SNX5: variants seen among roughly 807,000 people sequenced by gnomAD.
SNX5 encodes the protein sorting nexin-5.
In SNX5, 31 loss-of-function variants were observed where a neutral mutation model predicts 53.9. The observed-to-expected ratio is 0.58, with a 90% confidence interval of 0.43 to 0.78. SNX5 has a LOEUF of 0.78. SNX5 is among the 30% of genes least tolerant of loss of function. The pLI, the probability that SNX5 is intolerant of heterozygous loss-of-function variation, is 0.00. For synonymous variants in SNX5, 168 were observed against 171.1 expected, an observed-to-expected ratio of 0.98 and a Z score of 0.14; for missense variants, 471 against 478.8, an observed-to-expected ratio of 0.98 and a Z score of 0.15.
intron 1 of SNX5, chr20:17,961,065 T>A (rs1050732413): frequency 2.8e-5 from 25 of 890,552 alleles, no homozygotes; most frequent in Non-Finnish European, 3.4e-5. Flanking sequence ...AAAATCGCAG[T>A]GCTTTTGGTA....
chr20:17,964,727 T>C (rs1190498741), intron 1 of SNX5, among the ~76,000 whole-genome samples: 2 of 152,218 alleles, frequency 1.3e-5, no homozygotes, highest in Non-Finnish European at 2.9e-5. Flanking sequence ...ATTTAAGACA[T>C]TCAGGGTACT....
At chr20:17,947,948 G>T (rs571592436) in intron 10 of SNX5, among the ~76,000 whole-genome samples, 1 of 152,302 alleles carries the variant, frequency 6.6e-6, no homozygotes, top group African/African-American at 2.4e-5. Context: ...TTGTGTATCA[G>T]AGATAACTTG....
chr20:17,965,496 C>G (rs1014947727), intron 1 of SNX5, among the ~76,000 whole-genome samples: 2 of 151,986 alleles, frequency 1.3e-5, no homozygotes, highest in African/African-American at 4.8e-5. Flanking sequence ...TGGTGAAACC[C>G]CATCTCTACC....
chr20:17,961,122 C>A lies in SNX5; in HGVS notation c.52-4085G>T. The A allele has an allele frequency of 4.1e-6, 4 of 985,336 alleles. No individual in the cohort carries two copies. The Middle Eastern group carries it at 1.6e-3, about 386-fold the overall frequency. 61.0% of individuals were successfully genotyped at this position (985,336 alleles called of 1,614,324 possible). ...AAAAGGAGAAAAGTAGTTACGGAAT[C>A]CCTGTGCATTTCCTCACCTATTCAT... On this transcript the variant is annotated intron_variant, in intron 1 of 12. Coordinates refer to ENST00000377759, the MANE Select transcript of SNX5 (RefSeq NM_014426.4).
chr20:17,955,660 A>AT (rs2035340748), intron 2 of SNX5, among the ~76,000 whole-genome samples, 185 bp from the exon 3 acceptor site: 1 of 152,184 alleles, frequency 6.6e-6, no homozygotes, highest in Non-Finnish European at 1.5e-5. Flanking sequence ...AACTCTAACG[A>AT]TTTCTCCCCA....
intron 1 of SNX5, among the ~76,000 whole-genome samples, chr20:17,965,297 G>C (rs2035519619): frequency 6.6e-6 from 1 of 152,298 alleles, no homozygotes; most frequent in East Asian, 1.9e-4. Flanking sequence ...CTCAACAAAA[G>C]TGATCAGGCT....
At chr20:17,961,795 G>C (rs1261575594) in intron 1 of SNX5, 10 of 985,290 alleles carry the variant, frequency 1.0e-5, no homozygotes, top group Non-Finnish European at 1.1e-5. Context: ...TTGCCAGCAA[G>C]AGGGCCAATA....
In SNX5 at chr20:17,947,615, T is replaced by C; in HGVS notation, c.949A>G (p.Ile317Val). Residue 317 changes from isoleucine (I) to valine (V), a missense_variant, in exon 11 of 13, where the codon ATT (isoleucine) becomes GTT (valine). Coordinates refer to ENST00000377759, the MANE Select transcript of SNX5 (RefSeq NM_014426.4). ...GCTTTGTTTGAGTTCTCATAGTCAA[T>C]GAGGGCTTTGGTGCGTCTGTATAAG... ...DLLYRRTKAL[I>V]DYENSNKALD... The C allele has an allele frequency of 3.7e-6, 6 of 1,614,008 alleles. No individual in the cohort carries two copies. Among genetic ancestry groups the C allele is most frequent in the Non-Finnish European group, 5.1e-6 (6 of 1,179,930 alleles).
At chr20:17,963,096 A>T in intron 1 of SNX5, 5 of 354,540 alleles carry the variant, frequency 1.4e-5, no homozygotes, top group South Asian at 1.1e-4. Flanking sequence ...AAAACAGCTG[A>T]ACTAATGATC....
chr20:17,947,686 A>G (rs1568588594), intron 10 of SNX5, 41 bp from the exon 11 acceptor site: 1 of 1,548,220 alleles, frequency 6.5e-7, no homozygotes, highest in Admixed American at 2.0e-5. Flanking sequence ...AAGTATCTAA[A>G]CCAGTCTAAA....
At position 17,942,216 on chromosome 20, in the gene SNX5, A is replaced by G. The variant is rs144308630; in HGVS notation, c.*141T>C. ...TTTAAACCAACATGGTTAAATGTTA[A>G]GATTTGTAGAAATCAAAATATTTAT... On this transcript the variant is annotated 3_prime_UTR_variant, in exon 13 of 13. Coordinates refer to ENST00000377759, the MANE Select transcript of SNX5 (RefSeq NM_014426.4). 5.0e-3 allele frequency: 3,164 copies of G among 628,442 alleles called. 16 individuals carry two copies. Among genetic ancestry groups the G allele is most frequent in the Middle Eastern group, 0.021 (52 of 2,526 alleles). The allele number at this position is 628,442 out of a possible 1,614,324, so 38.9% of individuals were successfully genotyped here. A position where few individuals can be genotyped will look rare whatever the true frequency, so the allele number is the denominator to read the frequency against.
In SNX5 at chr20:17,968,394, T is replaced by C. The variant is rs146288789; in HGVS notation, c.32A>G (p.Gln11Arg). Residue 11 changes from glutamine to arginine, a missense_variant, in exon 1 of 13, where the codon CAG becomes CGG. Transcript: ENST00000377759. ...CCTCACCTTGCTGCGGTCCTCCTCC[T>C]GCTGCTGCAGCAACTCGGGAACCGC... MAAVPELLQQ[Q>R]EEDRSKLRSV... 2.3e-3 allele frequency: 2,942 copies of C among 1,286,864 alleles called. 49 individuals are homozygous for C. The African/African-American group carries it at 0.039, about 17-fold the overall frequency. 79.7% of individuals were successfully genotyped at this position (1,286,864 alleles called of 1,614,324 possible).
chr20:17,959,594 A>T (rs1034845481), intron 1 of SNX5, among the ~76,000 whole-genome samples: 1 of 152,194 alleles, frequency 6.6e-6, no homozygotes, highest in Non-Finnish European at 1.5e-5. Flanking sequence ...GGCCTTAAAG[A>T]ACTGTCTAAA....
chr20:17,957,567 TA>T (rs1296876987), intron 1 of SNX5, among the ~76,000 whole-genome samples: 1 of 152,178 alleles, frequency 6.6e-6, no homozygotes, highest in East Asian at 1.9e-4. Flanking sequence ...TCCTGTAATG[TA>T]AACAACAGCT....
At position 17,968,551 on chromosome 20, in the gene SNX5, C is replaced by G. The variant is rs781638399; in HGVS notation, c.-126G>C. 2 of 927,544 alleles carry G rather than the reference C, an allele frequency of 2.2e-6. No individual in the cohort carries two copies. The highest frequency in any genetic ancestry group is 3.4e-5 in the East Asian group (1 of 29,240). 57.5% of individuals were successfully genotyped at this position (927,544 alleles called of 1,614,324 possible). On this transcript the variant is annotated 5_prime_UTR_variant, in exon 1 of 13. Transcript: ENST00000377759. ...CCCCGCCTCCGCCGGCCTCCCTGCC[C>G]GACGGCGGCAGGAGGCCTCCGGACT...
chr20:17,952,428 G>T (rs2039583323), intron 5 of SNX5, among the ~76,000 whole-genome samples, 159 bp downstream of exon 5: 1 of 152,050 alleles, frequency 6.6e-6, no homozygotes, highest in Admixed American at 6.6e-5. Context: ...TTTAAGCAGA[G>T]TTTTACAAAA....
intron 1 of SNX5, among the ~76,000 whole-genome samples, chr20:17,957,817 T>C (rs1489873358): frequency 6.6e-6 from 1 of 152,116 alleles, no homozygotes; most frequent in Admixed American, 6.5e-5. Flanking sequence ...CTGTTTCAAA[T>C]AGCCAAGGAA....
chr20:17,950,112 G>A lies in SNX5; in HGVS notation c.791+20C>T. On this transcript the variant is annotated intron_variant, in intron 8 of 12. Coordinates refer to ENST00000377759, the MANE Select transcript of SNX5 (RefSeq NM_014426.4). ...ACTCTTCAATTGGGTTAGGGGAAAT[G>A]CTTTTCCAAAAAAACTTACTTTTTG... The A allele has an allele frequency of 3.7e-6, 6 of 1,610,200 alleles. No homozygotes were observed. Among genetic ancestry groups the A allele is most frequent in the Non-Finnish European group, 4.3e-6 (5 of 1,176,442 alleles).
intron 11 of SNX5, among the ~76,000 whole-genome samples, chr20:17,946,490 T>G (rs934735004): frequency 6.6e-6 from 1 of 152,176 alleles, no homozygotes; most frequent in Non-Finnish European, 1.5e-5. Context: ...TGGACAGGCA[T>G]CAAAAATAAC....
Sources: gnomAD v4.1 joint callset for allele counts (sites outside exome capture counted in the v4.1 genomes callset) on GRCh38, gnomAD v4.1.1 for gene constraint, MANE v1.5 for transcripts, NCBI Gene and HGNC (gene_info 2026-07-23, HGNC 2026-07-21) for gene names.